GSDME: variants seen among roughly 807,000 people sequenced by gnomAD.
The protein encoded by GSDME is gasdermin-E.
GSDME carries 44 observed loss-of-function variants against 47.5 expected under a neutral mutation model. The observed-to-expected ratio is 0.93, with a 90% CI of 0.73 to 1.19. The LOEUF (loss-of-function observed/expected upper bound fraction) is 1.19. Among genes scored for constraint, GSDME ranks in the 50% most tolerant of loss-of-function variants. The pLI, the probability that GSDME is intolerant of heterozygous loss-of-function variation, is 0.00. For missense variants in GSDME, 663 were observed against 604.2 expected (o/e 1.10, Z -1.02); for synonymous variants, 258 against 252.8 (o/e 1.02, Z -0.20).
chr7:24,737,440 C>A (rs1229924009), intron 3 of GSDME, among the ~76,000 whole-genome samples: 2 of 151,260 alleles, frequency 1.3e-5, no homozygotes, highest in East Asian at 1.9e-4. Flanking sequence ...AAGATTGAAC[C>A]GTGAAGAAAT....
Position 24,708,170 on chromosome 7 carries a change from G to A in GSDME, c.947C>T (p.Ala316Val), listed in dbSNP as rs369233573. The change falls in exon 7 of 10, where the codon GCG becomes GTG. Residue 316 changes from alanine (A) to valine (V), a missense_variant. By Grantham distance (64) the Ala-to-Val change is moderately conservative (BLOSUM62 0). Coordinates refer to ENST00000645220, the MANE Select transcript of GSDME (RefSeq NM_001127453.2). ...QQTALSDIFQ[A>V]VLFDDELLMV... is the part of the protein sequence containing the mutation. The stretch of plus-strand genomic sequence containing the variant: ...GAGTAGTTCATCATCAAATAGGACC[G>A]CCTGGAAGATGTCACTCAAAGCTGT... 4.7e-5 allele frequency: 76 copies of A among 1,613,970 alleles called. No homozygotes were observed. Among genetic ancestry groups the A allele is most frequent in the Middle Eastern group, 1.6e-4 (1 of 6,084 alleles).
chr7:24,748,166 A>ATTTT (rs1359637602), intron 2 of GSDME, among the ~76,000 whole-genome samples: 7 of 97,738 alleles, frequency 7.2e-5, no homozygotes, highest in African/African-American at 1.8e-4. Context: ...ATATATATAT[A>ATTTT]TATTTTTTTT....
chr7:24,701,289 T>C (rs1420915711), intron 9 of GSDME, among the ~76,000 whole-genome samples: 1 of 152,216 alleles, frequency 6.6e-6, no homozygotes, highest in Non-Finnish European at 1.5e-5. Context: ...GGTCTTTGAC[T>C]ATGTTGAGCA....
In GSDME at chr7:24,719,194, C is replaced by G. The variant is rs1226955570; in HGVS notation, c.429G>C (p.Val143=). The G allele has an allele frequency of 1.2e-6, 2 of 1,612,922 alleles. No individual in the cohort carries two copies. Among genetic ancestry groups the G allele is most frequent in the Admixed American group, 3.3e-5 (2 of 60,032 alleles). ...AERTINLRNP[V]LQQVLEGRNE... ...TCCTTCCTTCCAGCACCTGCTGGAG[C>G]ACAGGGTTTCTCAGATTTATTGTTC... The change falls in exon 4 of 10, where the codon GTG becomes GTC. Residue 143 remains valine (V), a synonymous_variant. Coordinates refer to ENST00000645220, the MANE Select transcript of GSDME (RefSeq NM_001127453.2).
At position 24,726,624 on chromosome 7, in the gene GSDME, C is replaced by T. The variant is rs1198029059; in HGVS notation, c.405-7406G>A. On this transcript the variant is annotated intron_variant, in intron 3 of 9. Coordinates refer to ENST00000645220, the MANE Select transcript of GSDME (RefSeq NM_001127453.2). This position sits in a 1 kb window ranked among gnomAD's most constrained non-coding sequence, Gnocchi z 5.6. ...GGATCACGAGGTCAGGAGATCGAGACCATCCTGGTTAATATGGTGAAACCC... is the reference window on the plus strand; with the variant it reads ...GGATCACGAGGTCAGGAGATCGAGATCATCCTGGTTAATATGGTGAAACCC... Among the ~76,000 whole-genome samples the T allele has an allele frequency of 6.6e-6, 1 of 152,094 alleles. No homozygotes were observed. Among genetic ancestry groups the T allele is most frequent in the East Asian group, 1.9e-4 (1 of 5,196 alleles).
intron 7 of GSDME, 86 bp from the exon 8 acceptor site, chr7:24,706,462 C>T (rs1352302353): frequency 7.6e-7 from 1 of 1,313,022 alleles, no homozygotes; most frequent in Non-Finnish European, 1.1e-6. Context: ...ACACACAAGC[C>T]CCAGCCCTTC....
At chr7:24,771,892 G>C in the GSDME span, among the ~76,000 whole-genome samples, 3 of 152,222 alleles carry the variant, frequency 2.0e-5, no homozygotes, top group Non-Finnish European at 4.4e-5. The surrounding 1 kb of genome is among the most constrained non-coding windows in gnomAD (Gnocchi z 4.1). Flanking sequence ...CCACTGGAGA[G>C]CCTGAGAGCA....
At chr7:24,718,989 C>G in intron 4 of GSDME, 58 bp downstream of exon 4, 3 of 1,598,880 alleles carry the variant, frequency 1.9e-6, no homozygotes, top group Non-Finnish European at 2.6e-6. Context: ...AAGAGGCCCC[C>G]AACCAAGGTC....
rs530631572 is a variant in GSDME, at chr7:24,743,585, T to C, written c.404+977A>G. On this transcript the variant is annotated intron_variant, in intron 3 of 9. Transcript: ENST00000645220. ...AAACCCTCCACTGGCTCTCAGTAAG[T>C]GTGAGCCTTTCCAGTGGCCTTCAAG... 4.6e-5 allele frequency among the ~76,000 whole-genome samples: 7 copies of C among 152,284 alleles called. No individual in the cohort carries two copies. In the South Asian group the frequency reaches 1.5e-3, roughly 32 times the overall value.
Position 24,724,211 on chromosome 7 carries a change from G to A in GSDME, c.405-4993C>T, listed in dbSNP as rs74970454. Among the ~76,000 whole-genome samples the A allele has an allele frequency of 0.016, 2,503 of 151,848 alleles. 83 individuals are homozygous for A. Among genetic ancestry groups the A allele is most frequent in the African/African-American group, 0.057 (2,362 of 41,364 alleles). Reference sequence around the variant, plus strand: ...AAAGTATTTTAAAAAAAGGCCTTCTGGACAGACTGTAAGCTCCTGGAGGAC... The same window carrying A: ...AAAGTATTTTAAAAAAAGGCCTTCTAGACAGACTGTAAGCTCCTGGAGGAC... On this transcript the variant is annotated intron_variant, in intron 3 of 9. Transcript: ENST00000645220. This position sits in a 1 kb window ranked among gnomAD's most constrained non-coding sequence, Gnocchi z 4.8.
At position 24,708,121 on chromosome 7, in the gene GSDME, G is replaced by A; in HGVS notation, c.990+6C>T. 4 of 1,614,114 alleles carry A rather than the reference G, an allele frequency of 2.5e-6. No individual in the cohort carries two copies. The highest frequency in any genetic ancestry group is 3.4e-6 in the Non-Finnish European group (4 of 1,180,012). On this transcript the variant is annotated splice_donor_region_variant and intron_variant, in intron 7 of 9. Transcript: ENST00000645220. ...AAACACTGCCTTGAGATGTCTCAGG[G>A]CTCACCACTGGTTCCAGGACCATGA...
the GSDME span, among the ~76,000 whole-genome samples, chr7:24,789,007 C>T: frequency 4.6e-5 from 7 of 152,090 alleles, no homozygotes; most frequent in African/African-American, 1.7e-4. Flanking sequence ...AATCAGGGTT[C>T]GTGAATTGCT....
In GSDME at chr7:24,717,304, G is replaced by T. The variant is rs1789603441; in HGVS notation, c.647C>A (p.Thr216Asn). 1 of 1,611,232 alleles carries T rather than the reference G, an allele frequency of 6.2e-7. No homozygotes were observed. Among genetic ancestry groups the T allele is most frequent in the Non-Finnish European group, 8.5e-7 (1 of 1,178,912 alleles). ...TAACTCAATGACACCGTAGGCAATG[G>T]TGGTGGCAGCTGGGATCTCCAGCAC... The part of the protein sequence containing the change: ...NVVLEIPAAT[T>N]IAYGVIELYV... Residue 216 changes from threonine (T) to asparagine (N), a missense_variant, in exon 5 of 10, where the codon ACC (threonine) becomes AAC (asparagine). Thr to Asn is a moderately conservative substitution (Grantham distance 65, BLOSUM62 0). Transcript: ENST00000645220.
upstream of GSDME, chr7:24,757,615 G>C (rs998685162): frequency 6.6e-6 from 1 of 152,318 alleles, no homozygotes; most frequent in Non-Finnish European, 1.5e-5. This position sits in a 1 kb window ranked among gnomAD's most constrained non-coding sequence, Gnocchi z 5.9. Flanking sequence ...CCCAGAGAGA[G>C]CCGCTTCCCC....
chr7:24,731,432 C>G (rs1790141542), intron 3 of GSDME, among the ~76,000 whole-genome samples: 1 of 152,192 alleles, frequency 6.6e-6, no homozygotes, highest in Non-Finnish European at 1.5e-5. Context: ...GAATGGTGAC[C>G]ACGCAGGTGC....
At chr7:24,709,830 A>G (rs904230926) in intron 6 of GSDME, among the ~76,000 whole-genome samples, 2 of 152,176 alleles carry the variant, frequency 1.3e-5, no homozygotes, top group Non-Finnish European at 2.9e-5. Flanking sequence ...TGTCTTGACA[A>G]TGAAGCCCAG....
At chr7:24,700,508 G>A (rs1278984221) in intron 9 of GSDME, among the ~76,000 whole-genome samples, 1 of 152,062 alleles carries the variant, frequency 6.6e-6, no homozygotes, top group Non-Finnish European at 1.5e-5. Flanking sequence ...AAATCTGAAG[G>A]GAATCCAAAA....
chr7:24,767,732 T>G, the GSDME span, among the ~76,000 whole-genome samples: 1 of 152,184 alleles, frequency 6.6e-6, no homozygotes, highest in Non-Finnish European at 1.5e-5. This position sits in a 1 kb window ranked among gnomAD's most constrained non-coding sequence, Gnocchi z 5.3. Flanking sequence ...TTTTGTATTT[T>G]CCAAAATTCT....
intron 3 of GSDME, among the ~76,000 whole-genome samples, chr7:24,719,515 AG>A (rs1224205322): frequency 6.6e-6 from 1 of 152,180 alleles, no homozygotes; most frequent in East Asian, 1.9e-4. Flanking sequence ...AACCAGGGCC[AG>A]GCGTGGTGGC....
Sources: gnomAD v4.1 joint callset for allele counts (sites outside exome capture counted in the v4.1 genomes callset) on GRCh38, gnomAD v4.1.1 for gene constraint, Gnocchi (gnomAD v3.1) non-coding constraint, MANE v1.5 for transcripts, NCBI Gene and HGNC (gene_info 2026-07-23, HGNC 2026-07-21) for gene names.